ZNF804B: variants seen among roughly 807,000 people sequenced by gnomAD.
ZNF804B encodes the protein zinc finger protein 804B.
ZNF804B carries 80 observed loss-of-function variants against 101.4 expected under a neutral mutation model. The observed-to-expected ratio is 0.79, with a 90% CI of 0.66 to 0.95. The LOEUF is 0.95. Ranked by LOEUF, ZNF804B falls within the 40% of genes least tolerant of loss-of-function variation. The pLI, the probability that ZNF804B is intolerant of heterozygous loss-of-function variation, is 0.00. For synonymous variants in ZNF804B, 622 were observed against 558.8 expected (o/e 1.11, Z -1.59); for missense variants, 1,673 against 1,561.9 (o/e 1.07, Z -1.20).
At chr7:88,801,291 G>T (rs971476748) in intron 1 of ZNF804B, among the ~76,000 whole-genome samples, 1 of 151,546 alleles carries the variant, frequency 6.6e-6, no homozygotes, top group African/African-American at 2.4e-5. Context: ...GGTGAGTGGT[G>T]GGAGGAGAGG....
chr7:89,090,750 A>G (rs896518385), intron 1 of ZNF804B, among the ~76,000 whole-genome samples: 44 of 152,102 alleles, frequency 2.9e-4, no homozygotes, highest in African/African-American at 1.1e-3. Flanking sequence ...AAAAAATACA[A>G]AAATACTATT....
chr7:88,864,204 G>A (rs753883439), intron 1 of ZNF804B, among the ~76,000 whole-genome samples: 3 of 152,068 alleles, frequency 2.0e-5, no homozygotes, highest in Non-Finnish European at 2.9e-5. Flanking sequence ...TTGAGAGTAG[G>A]GACTATTTCT....
intron 1 of ZNF804B, among the ~76,000 whole-genome samples, chr7:89,151,144 A>G (rs1226682924): frequency 6.6e-6 from 1 of 152,124 alleles, no homozygotes; most frequent in Non-Finnish European, 1.5e-5. Context: ...ATTTAAAGGC[A>G]GCATAATCAA....
At chr7:88,895,563 ATCTTGGTT>A (rs1289796376) in intron 1 of ZNF804B, among the ~76,000 whole-genome samples, 1 of 152,200 alleles carries the variant, frequency 6.6e-6, no homozygotes, top group Non-Finnish European at 1.5e-5. Flanking sequence ...CAGCACCAAG[ATCTTGGTT>A]TCTAATACCA....
chr7:89,306,453 A>G (rs1790562947), intron 2 of ZNF804B, among the ~76,000 whole-genome samples: 1 of 151,736 alleles, frequency 6.6e-6, no homozygotes, highest in South Asian at 2.1e-4. Flanking sequence ...TGAATTTTCA[A>G]TTTTAGTTGC....
At chr7:89,298,257 T>TATATATATATAC (rs1429786060) in intron 2 of ZNF804B, among the ~76,000 whole-genome samples, 12 of 108,434 alleles carry the variant, frequency 1.1e-4, no homozygotes, top group South Asian at 3.5e-4. Context: ...TATATATATA[T>TATATATATATAC]ACTTTAAGTT....
At chr7:88,998,583 C>T (rs1166238949) in intron 1 of ZNF804B, among the ~76,000 whole-genome samples, 1 of 151,920 alleles carries the variant, frequency 6.6e-6, no homozygotes, top group African/African-American at 2.4e-5. Context: ...TCCTGAGACC[C>T]GCCACAGTCT....
chr7:89,218,708 C>A (rs537057429), intron 2 of ZNF804B, among the ~76,000 whole-genome samples: 1 of 152,094 alleles, frequency 6.6e-6, no homozygotes, highest in South Asian at 2.1e-4. Context: ...CATAAACAAT[C>A]CATTAATGCA....
At chr7:89,295,725 A>T (rs563039896) in intron 2 of ZNF804B, among the ~76,000 whole-genome samples, 8 of 152,268 alleles carry the variant, frequency 5.3e-5, no homozygotes, top group African/African-American at 1.4e-4. Context: ...TTAGATTAAA[A>T]TAGGCCCCTT....
At chr7:88,830,352 A>G (rs1275703150) in intron 1 of ZNF804B, among the ~76,000 whole-genome samples, 1 of 152,018 alleles carries the variant, frequency 6.6e-6, no homozygotes, top group Admixed American at 6.6e-5. Context: ...CAAAAAAAAG[A>G]AATATCCACC....
At chr7:89,005,714 C>T (rs1315376587) in intron 1 of ZNF804B, among the ~76,000 whole-genome samples, 1 of 152,088 alleles carries the variant, frequency 6.6e-6, no homozygotes, top group Non-Finnish European at 1.5e-5. Context: ...TCAGTCTTTA[C>T]TTGCATATCT....
At chr7:88,902,583 G>A (rs1792408972) in intron 1 of ZNF804B, among the ~76,000 whole-genome samples, 1 of 151,898 alleles carries the variant, frequency 6.6e-6, no homozygotes, top group Admixed American at 6.6e-5. Flanking sequence ...AAAAGTTAAT[G>A]TGTTGAGTCC....
At chr7:88,760,108 A>G in intron 1 of ZNF804B, 24 bp downstream of exon 1, 1 of 1,569,880 alleles carries the variant, frequency 6.4e-7, no homozygotes, top group South Asian at 1.1e-5. Flanking sequence ...GCACACACAT[A>G]CATACACAAA....
At chr7:89,169,885 A>G (rs879322951) in intron 1 of ZNF804B, among the ~76,000 whole-genome samples, 15 of 152,182 alleles carry the variant, frequency 9.9e-5, no homozygotes, top group Admixed American at 9.8e-4. Context: ...CTGTCACCTC[A>G]TCCGAGCTCT....
chr7:89,200,665 C>A (rs1788618744), intron 1 of ZNF804B, among the ~76,000 whole-genome samples: 1 of 151,976 alleles, frequency 6.6e-6, no homozygotes, highest in South Asian at 2.1e-4. Context: ...TCCCCCACTC[C>A]CACACAAATA....
chr7:88,817,500 G>C (rs1790904149), intron 1 of ZNF804B, among the ~76,000 whole-genome samples: 1 of 152,096 alleles, frequency 6.6e-6, no homozygotes, highest in Non-Finnish European at 1.5e-5. Context: ...GAAAGAAAGG[G>C]AGAGGATACA....
intron 2 of ZNF804B, among the ~76,000 whole-genome samples, chr7:89,321,782 A>C (rs977864013): frequency 6.6e-6 from 1 of 151,976 alleles, no homozygotes; most frequent in Admixed American, 6.6e-5. Flanking sequence ...GAATAAAAAC[A>C]CAAGATCCAA....
intron 3 of ZNF804B, among the ~76,000 whole-genome samples, chr7:89,327,875 C>A (rs927968540): frequency 6.6e-6 from 1 of 151,846 alleles, no homozygotes; most frequent in African/African-American, 2.4e-5. Flanking sequence ...GTGTCTAGTA[C>A]AAATAACACG....
At chr7:89,118,487 A>G (rs1013540692) in intron 1 of ZNF804B, among the ~76,000 whole-genome samples, 3 of 152,194 alleles carry the variant, frequency 2.0e-5, no homozygotes, top group Admixed American at 2.0e-4. Flanking sequence ...GTCATTCAAC[A>G]GACAGTAAAA....
Sources: gnomAD v4.1 joint callset for allele counts (sites outside exome capture counted in the v4.1 genomes callset) on GRCh38, gnomAD v4.1.1 for gene constraint, MANE v1.5 for transcripts, NCBI Gene and HGNC (gene_info 2026-07-23, HGNC 2026-07-21) for gene names.